TRPM3: variants seen among roughly 807,000 people sequenced by gnomAD.
TRPM3 encodes the protein long transient receptor potential channel 3.
TRPM3 carries 77 observed loss-of-function variants against 181.2 expected under a neutral mutation model. That is an observed-to-expected ratio of 0.42 (90% CI 0.35 to 0.51). The LOEUF (loss-of-function observed/expected upper bound fraction) is 0.51, where lower values mean the gene tolerates loss of function less well. Ranked by LOEUF, TRPM3 falls within the 20% of genes least tolerant of loss-of-function variation. The pLI is 0.01. For synonymous variants in TRPM3, 745 were observed against 796.4 expected (o/e 0.94, Z 1.09); for missense variants, 1,759 against 2,196.7 (o/e 0.80, Z 3.98).
At chr9:71,311,932 A>T (rs1322681953) in intron 1 of TRPM3, among the ~76,000 whole-genome samples, 2 of 152,166 alleles carry the variant, frequency 1.3e-5, no homozygotes, top group African/African-American at 4.8e-5. Flanking sequence ...AAGCAAGTTT[A>T]TGAATTTGCA....
At chr9:70,616,644 T>C (rs968851901) in intron 17 of TRPM3, among the ~76,000 whole-genome samples, 2 of 151,800 alleles carry the variant, frequency 1.3e-5, no homozygotes, top group Admixed American at 6.6e-5. Context: ...TAATTCATTT[T>C]AGGGCATCTT....
intron 6 of TRPM3, among the ~76,000 whole-genome samples, chr9:70,806,990 T>C (rs1376037430): frequency 2.0e-5 from 3 of 152,236 alleles, no homozygotes; most frequent in Non-Finnish European, 4.4e-5. Flanking sequence ...CACTTTTCTT[T>C]AAGATCCCCA....
chr9:70,692,858 A>G (rs1428357989), intron 8 of TRPM3, among the ~76,000 whole-genome samples: 2 of 148,392 alleles, frequency 1.3e-5, no homozygotes, highest in African/African-American at 2.4e-5. Context: ...TTCAGTGAAC[A>G]TGAGGTTTGG....
intron 1 of TRPM3, among the ~76,000 whole-genome samples, chr9:71,254,205 A>T (rs1419098920): frequency 6.6e-6 from 1 of 152,182 alleles, no homozygotes. Context: ...GGCAAGAGCC[A>T]CTGCGCCTGG....
intron 1 of TRPM3, among the ~76,000 whole-genome samples, chr9:71,110,493 T>C (rs942692615): frequency 1.3e-5 from 2 of 152,196 alleles, no homozygotes; most frequent in African/African-American, 4.8e-5. Context: ...GTAATATGAA[T>C]TGAGTATGGC....
rs5898174 is a variant in TRPM3 at position 70,998,265 on chromosome 9, A to ATTT, written c.177+122910_177+122912dup. On this transcript the variant is annotated intron_variant, in intron 1 of 25. Transcript: ENST00000677713. ...CACACACACACATATATATATATAT[A>ATTT]TTTTTTTTAGTATTTTTCTTACCTG... 1.5e-3 allele frequency among the ~76,000 whole-genome samples: 220 copies of ATTT among 145,858 alleles called. 1 individual carries two copies. In the East Asian group the frequency reaches 0.021, roughly 14 times the overall value.
chr9:70,856,964 T>G (rs1484265598), intron 3 of TRPM3, among the ~76,000 whole-genome samples: 1 of 152,150 alleles, frequency 6.6e-6, no homozygotes, highest in Non-Finnish European at 1.5e-5. Flanking sequence ...CTTTCCTAAA[T>G]AATGTAAGGT....
chr9:70,882,622 A>G (rs1186071171), intron 1 of TRPM3, among the ~76,000 whole-genome samples: 2 of 152,182 alleles, frequency 1.3e-5, no homozygotes, highest in Admixed American at 6.5e-5. Context: ...GCCTTCCTGA[A>G]AACAGATGAA....
At chr9:70,976,080 T>C (rs1322449979) in intron 1 of TRPM3, among the ~76,000 whole-genome samples, 1 of 152,164 alleles carries the variant, frequency 6.6e-6, no homozygotes, top group African/African-American at 2.4e-5. Context: ...TTCAGTGCAA[T>C]CACTTAGTGC....
chr9:71,133,289 T>C (rs1307422008), intron 1 of TRPM3, among the ~76,000 whole-genome samples: 1 of 97,662 alleles, frequency 1.0e-5, no homozygotes, highest in East Asian at 2.8e-4. Context: ...TTCTAGCAAA[T>C]TGCTTTTTTT....
chr9:71,132,295 C>T (rs949084545), intron 1 of TRPM3, among the ~76,000 whole-genome samples: 1 of 152,176 alleles, frequency 6.6e-6, no homozygotes, highest in Non-Finnish European at 1.5e-5. Flanking sequence ...ATGGCCCCTT[C>T]CCTCTACAGT....
At chr9:70,753,348 G>T (rs1388596899) in intron 8 of TRPM3, among the ~76,000 whole-genome samples, 1 of 152,130 alleles carries the variant, frequency 6.6e-6, no homozygotes, top group Non-Finnish European at 1.5e-5. Context: ...AAGAGGAAGT[G>T]GCTGTGGTTT....
At chr9:70,835,758 A>G (rs2094278635) in intron 5 of TRPM3, among the ~76,000 whole-genome samples, 1 of 152,174 alleles carries the variant, frequency 6.6e-6, no homozygotes, top group South Asian at 2.1e-4. Context: ...TAGAAAACTC[A>G]TAGAACAATG....
At chr9:70,966,421 A>G (rs1326093769) in intron 1 of TRPM3, among the ~76,000 whole-genome samples, 2 of 152,132 alleles carry the variant, frequency 1.3e-5, no homozygotes, top group East Asian at 3.8e-4. Flanking sequence ...AAATCATTCC[A>G]TCATAAAGAC....
At chr9:71,418,731 A>G (rs1481988685) in intron 1 of TRPM3, among the ~76,000 whole-genome samples, 1 of 149,086 alleles carries the variant, frequency 6.7e-6, no homozygotes, top group African/African-American at 2.4e-5. Context: ...CTCAAAGGAT[A>G]CTATATATAT....
At chr9:71,417,825 C>T (rs2093659810) in intron 1 of TRPM3, among the ~76,000 whole-genome samples, 1 of 151,874 alleles carries the variant, frequency 6.6e-6, no homozygotes, top group East Asian at 1.9e-4. Context: ...AACTGTATAT[C>T]CATCTTTATC....
chr9:70,828,209 AGACT>A (rs1183675441), intron 5 of TRPM3, among the ~76,000 whole-genome samples, 191 bp from the exon 6 acceptor site: 1 of 152,238 alleles, frequency 6.6e-6, no homozygotes, highest in Non-Finnish European at 1.5e-5. Flanking sequence ...ATTCAAAGCA[AGACT>A]GTGCTTAAAT....
intron 7 of TRPM3, among the ~76,000 whole-genome samples, chr9:70,764,720 G>C (rs76399398): frequency 6.6e-6 from 1 of 152,080 alleles, no homozygotes; most frequent in Non-Finnish European, 1.5e-5. Context: ...TATTACAGGT[G>C]GAACAAAGGT....
intron 1 of TRPM3, among the ~76,000 whole-genome samples, chr9:71,144,978 G>A (rs1260583265): frequency 1.3e-5 from 2 of 152,014 alleles, no homozygotes; most frequent in South Asian, 2.1e-4. Context: ...CCAAATAACC[G>A]TGTCACCAGA....
Sources: gnomAD v4.1 joint callset for allele counts (sites outside exome capture counted in the v4.1 genomes callset) on GRCh38, gnomAD v4.1.1 for gene constraint, MANE v1.5 for transcripts, NCBI Gene and HGNC (gene_info 2026-07-23, HGNC 2026-07-21) for gene names.